NFATC2: variants seen among roughly 807,000 people sequenced by gnomAD.
The protein encoded by NFATC2 is nuclear factor of activated T-cells, cytoplasmic 2.
NFATC2 carries 22 observed loss-of-function variants against 87.3 expected under a neutral mutation model. The ratio of observed to expected loss-of-function variants is 0.25; its 90% CI spans 0.18 to 0.36. The LOEUF is 0.36. Among genes scored for constraint, NFATC2 ranks in the 10% least tolerant of loss-of-function variants. The probability of loss-of-function intolerance (pLI) is 1.00; values close to 1 mark genes in which losing one functional copy is unlikely to be tolerated. For synonymous variants in NFATC2, 565 were observed against 542.2 expected (o/e 1.04, Z -0.58); for missense variants, 1,149 against 1,259.1 (o/e 0.91, Z 1.32).
Position 51,432,631 on chromosome 20 carries a change from A to G in NFATC2, c.2158T>C (p.Cys720Arg). 1 of 1,537,404 alleles carries G rather than the reference A, an allele frequency of 6.5e-7. No homozygotes were observed. The highest frequency in any genetic ancestry group is 2.3e-5 in the East Asian group (1 of 44,132). ...CAGGGAGCCATGGTGGCCACGAGGC[A>G]GGAGGGGGACTCGGCCACCATCGGG... is the stretch of plus-strand genomic sequence containing the variant. ...QHPMVAESPS[C>R]LVATMAPCQQ... Residue 720 changes from cysteine to arginine, a missense_variant, in exon 9 of 11, where the codon TGC becomes CGC. Transcript: ENST00000371564. This position sits in a 1 kb window ranked among gnomAD's most constrained non-coding sequence, Gnocchi z 4.6.
chr20:51,545,217 G>A (rs539063558), upstream of NFATC2, among the ~76,000 whole-genome samples: 12 of 152,254 alleles, frequency 7.9e-5, no homozygotes, highest in South Asian at 1.7e-3. Flanking sequence ...ATCCTTTCTC[G>A]TCCCTCCATC....
At chr20:51,416,676 T>C (rs939765312) in intron 9 of NFATC2, among the ~76,000 whole-genome samples, 3 of 151,954 alleles carry the variant, frequency 2.0e-5, no homozygotes, top group African/African-American at 7.3e-5. Context: ...CTCTATGGAG[T>C]GCTGTGTGGC....
intron 3 of NFATC2, among the ~76,000 whole-genome samples, chr20:51,506,800 G>A (rs2076190694): frequency 6.6e-6 from 1 of 152,190 alleles, no homozygotes; most frequent in Non-Finnish European, 1.5e-5. Flanking sequence ...CTTGTGGCAT[G>A]TTGCAGCTGA....
chr20:51,526,044 C>G (rs2076540744), intron 1 of NFATC2, among the ~76,000 whole-genome samples: 1 of 151,818 alleles, frequency 6.6e-6, no homozygotes, highest in South Asian at 2.1e-4. Context: ...AAACCCTCCC[C>G]GCGAGATCCT....
chr20:51,418,098 C>CTAGG (rs1262104970), intron 9 of NFATC2, among the ~76,000 whole-genome samples: 1 of 152,352 alleles, frequency 6.6e-6, no homozygotes, highest in South Asian at 2.1e-4. Context: ...GGGTGCTGTA[C>CTAGG]TAGGGAACAG....
At chr20:51,470,124 T>G (rs1429585196) in intron 5 of NFATC2, among the ~76,000 whole-genome samples, 1 of 152,008 alleles carries the variant, frequency 6.6e-6, no homozygotes. Context: ...CTGTCTATCA[T>G]GGGTAGGCTT....
intron 2 of NFATC2, among the ~76,000 whole-genome samples, chr20:51,521,946 A>G (rs555536602): frequency 1.3e-5 from 2 of 152,312 alleles, no homozygotes; most frequent in African/African-American, 4.8e-5. Flanking sequence ...AAGTTCCAAA[A>G]AGCAAAATTT....
rs1296449688 is a variant in NFATC2 at position 51,542,533 on chromosome 20, G to T, written c.-34C>A. On this transcript the variant is annotated 5_prime_UTR_variant, in exon 1 of 11. Coordinates refer to ENST00000371564, the MANE Select transcript of NFATC2 (RefSeq NM_012340.5). ...GGGCGGGAAGGCTGCGGGGCCGGGGGCGAGGGCGGGCGCGGCTGGCTCTGG... is the reference window on the plus strand; with the variant it reads ...GGGCGGGAAGGCTGCGGGGCCGGGGTCGAGGGCGGGCGCGGCTGGCTCTGG... 5 of 1,353,866 alleles carry T rather than the reference G, an allele frequency of 3.7e-6. No homozygotes were observed. Among genetic ancestry groups the T allele is most frequent in the Non-Finnish European group, 3.8e-6 (4 of 1,054,988 alleles). 83.9% of individuals were successfully genotyped at this position (1,353,866 alleles called of 1,614,324 possible).
intron 1 of NFATC2, among the ~76,000 whole-genome samples, chr20:51,530,905 C>G (rs2076622901): frequency 6.6e-6 from 1 of 152,212 alleles, no homozygotes; most frequent in Non-Finnish European, 1.5e-5. Context: ...ACTCGTCTGT[C>G]TACCCTCTAG....
chr20:51,475,737 A>C, intron 3 of NFATC2, 77 bp from the exon 4 acceptor site: 1 of 1,411,224 alleles, frequency 7.1e-7, no homozygotes. Flanking sequence ...AAGACCAGAG[A>C]GCTCATGGGC....
intron 8 of NFATC2, among the ~76,000 whole-genome samples, chr20:51,434,688 G>A (rs1983292936): frequency 6.6e-6 from 1 of 152,126 alleles, no homozygotes; most frequent in Non-Finnish European, 1.5e-5. Flanking sequence ...ATGAAAAAAT[G>A]GTACTCATCA....
At chr20:51,411,039 G>A (rs1979148392) in intron 9 of NFATC2, among the ~76,000 whole-genome samples, 1 of 152,082 alleles carries the variant, frequency 6.6e-6, no homozygotes, top group South Asian at 2.1e-4. Flanking sequence ...GTATCTACTG[G>A]GTATTTACTC....
At chr20:51,519,368 C>T (rs1303295977) in intron 2 of NFATC2, among the ~76,000 whole-genome samples, 1 of 151,260 alleles carries the variant, frequency 6.6e-6, no homozygotes, top group Non-Finnish European at 1.5e-5. Flanking sequence ...AATCCCAGCA[C>T]TTATGGGAGG....
Position 51,480,738 on chromosome 20 carries a change from C to A in NFATC2, c.1333-5078G>T, listed in dbSNP as rs1989185890. On this transcript the variant is annotated intron_variant, in intron 3 of 10. Transcript: ENST00000371564. The surrounding 1 kb of genome is among the most constrained non-coding windows in gnomAD (Gnocchi z 4.2). The stretch of plus-strand genomic sequence containing the variant: ...TAAAAAGGAGACATCACCCCCCACC[C>A]TGCAGGCCTCTTCTGAAAGGCGAAA... Among the ~76,000 whole-genome samples the A allele has an allele frequency of 6.6e-6, 1 of 152,218 alleles. No individual in the cohort carries two copies. Among genetic ancestry groups the A allele is most frequent in the Non-Finnish European group, 1.5e-5 (1 of 68,048 alleles).
At position 51,537,985 on chromosome 20, in the gene NFATC2, T is replaced by C. The variant is rs867782890; in HGVS notation, c.130+4385A>G. On this transcript the variant is annotated intron_variant, in intron 1 of 10. Transcript: ENST00000371564. ...TGTAAAGAGACCAATTCCCACAGTATAGAGAAAGCCATCAAGAAACAACTC... is the reference window on the plus strand; with the variant it reads ...TGTAAAGAGACCAATTCCCACAGTACAGAGAAAGCCATCAAGAAACAACTC... Among the ~76,000 whole-genome samples, 15 of 152,246 alleles carry C rather than the reference T, an allele frequency of 9.9e-5. 1 individual carries two copies. The Middle Eastern group carries it at 0.017, about 173-fold the overall frequency.
intron 3 of NFATC2, among the ~76,000 whole-genome samples, chr20:51,484,694 T>C (rs775680790): frequency 1.1e-4 from 17 of 152,218 alleles, no homozygotes; most frequent in Non-Finnish European, 1.9e-4. Context: ...ACAGCGACCA[T>C]TGTGTCACAG....
chr20:51,475,692 G>T, intron 3 of NFATC2, 32 bp from the exon 4 acceptor site: 2 of 1,608,614 alleles, frequency 1.2e-6, no homozygotes, highest in South Asian at 1.1e-5. Flanking sequence ...TCATTAAGGT[G>T]CGGGGTGTGG....
At chr20:51,438,443 G>GA (rs11474098) in intron 6 of NFATC2, among the ~76,000 whole-genome samples, 80,349 of 138,848 alleles carry the variant, frequency 0.58, 23,416 homozygotes, top group East Asian at 0.72. Context: ...AGCTTGCTTT[G>GA]AAAAAAAAAA....
At chr20:51,428,568 T>A (rs2146326745) in intron 9 of NFATC2, among the ~76,000 whole-genome samples, 1 of 152,200 alleles carries the variant, frequency 6.6e-6, no homozygotes, top group South Asian at 2.1e-4. Context: ...AGATGCCCCA[T>A]GAGGGAGCGG....
Sources: gnomAD v4.1 joint callset for allele counts (sites outside exome capture counted in the v4.1 genomes callset) on GRCh38, gnomAD v4.1.1 for gene constraint, Gnocchi (gnomAD v3.1) non-coding constraint, MANE v1.5 for transcripts, NCBI Gene and HGNC (gene_info 2026-07-23, HGNC 2026-07-21) for gene names.